SYN3: variants seen among roughly 807,000 people sequenced by gnomAD.
SYN3 encodes the protein synapsin III, also known as synapsin-3.
In SYN3, 35 loss-of-function variants were observed where a neutral mutation model predicts 65.8. That is an observed-to-expected ratio of 0.53 (90% CI 0.41 to 0.70). The LOEUF is 0.70. Ranked by LOEUF, SYN3 falls within the 30% of genes least tolerant of loss-of-function variation. The pLI is 0.00. For missense variants in SYN3, 680 were observed against 749.0 expected, an observed-to-expected ratio of 0.91 and a Z score of 1.08; for synonymous variants, 270 against 292.9, an observed-to-expected ratio of 0.92 and a Z score of 0.80.
At chr22:33,042,439 T>C (rs2145939354) in intron 1 of SYN3, among the ~76,000 whole-genome samples, 1 of 152,336 alleles carries the variant, frequency 6.6e-6, no homozygotes, top group South Asian at 2.1e-4. Flanking sequence ...TCATCATTTG[T>C]TTTCCCAGAC....
intron 12 of SYN3, chr22:32,527,667 A>C (rs1171164713): frequency 2.5e-6 from 1 of 403,670 alleles, no homozygotes; most frequent in Non-Finnish European, 4.4e-6. Context: ...TAAAAGTGAG[A>C]AAATAGGTGG....
chr22:32,966,769 A>G (rs923733295), intron 3 of SYN3, among the ~76,000 whole-genome samples: 12 of 152,140 alleles, frequency 7.9e-5, no homozygotes, highest in African/African-American at 2.7e-4. Context: ...TTTAAAAATT[A>G]GCCAGGTGTT....
chr22:32,766,715 T>C (rs531073193), intron 6 of SYN3, among the ~76,000 whole-genome samples: 1 of 152,156 alleles, frequency 6.6e-6, no homozygotes, highest in Non-Finnish European at 1.5e-5. Flanking sequence ...AGGTACCCAG[T>C]CTAGGATTCC....
chr22:32,810,107 A>T (rs1264587200), intron 6 of SYN3, among the ~76,000 whole-genome samples: 1 of 152,212 alleles, frequency 6.6e-6, no homozygotes, highest in Non-Finnish European at 1.5e-5. Context: ...GATTCTAGCT[A>T]AAGGGACTTA....
chr22:32,749,173 G>A (rs772828527), intron 6 of SYN3, among the ~76,000 whole-genome samples: 2 of 152,042 alleles, frequency 1.3e-5, no homozygotes, highest in Non-Finnish European at 2.9e-5. Flanking sequence ...GTTCATAGAC[G>A]ACTGTCTGCT....
intron 2 of SYN3, among the ~76,000 whole-genome samples, chr22:32,998,793 A>AAAC (rs1556121666): frequency 6.7e-6 from 1 of 150,292 alleles, no homozygotes; most frequent in African/African-American, 2.4e-5. Flanking sequence ...AAAAAAAAAA[A>AAAC]AAAAAACAAA....
intron 6 of SYN3, among the ~76,000 whole-genome samples, chr22:32,831,225 T>C (rs915261389): frequency 1.3e-5 from 2 of 152,132 alleles, no homozygotes; most frequent in African/African-American, 4.8e-5. Context: ...AAACACCTTT[T>C]TCTGAGACTC....
At chr22:32,870,320 C>T (rs533347188) in intron 4 of SYN3, among the ~76,000 whole-genome samples, 1 of 130,106 alleles carries the variant, frequency 7.7e-6, no homozygotes, top group South Asian at 2.2e-4. Context: ...TTGCTCCATA[C>T]TTTCTTTTGA....
chr22:32,780,062 C>G (rs1174485125), intron 6 of SYN3, among the ~76,000 whole-genome samples: 4 of 3,868 alleles, frequency 1.0e-3, no homozygotes, highest in African/African-American at 3.4e-3. Context: ...GAGTGAGATT[C>G]TGTCTCAAAA....
intron 1 of SYN3, among the ~76,000 whole-genome samples, chr22:33,035,686 C>T (rs1307110007): frequency 3.9e-5 from 6 of 152,162 alleles, no homozygotes; most frequent in Non-Finnish European, 8.8e-5. Context: ...TCAAGTGATC[C>T]TCCCACATCA....
chr22:32,684,803 C>T (rs1293543488), intron 6 of SYN3, among the ~76,000 whole-genome samples: 6 of 152,260 alleles, frequency 3.9e-5, no homozygotes, highest in South Asian at 2.1e-4. Flanking sequence ...GTTCAAGTTC[C>T]GGCTCTTCCA....
chr22:32,527,282 A>AT (rs1189532966), intron 12 of SYN3, among the ~76,000 whole-genome samples: 1 of 152,130 alleles, frequency 6.6e-6, no homozygotes, highest in African/African-American at 2.4e-5. Flanking sequence ...TAAATCTACC[A>AT]TTTTCTGCCT....
At chr22:32,825,606 C>T (rs1006834781) in intron 6 of SYN3, among the ~76,000 whole-genome samples, 5 of 120,714 alleles carry the variant, frequency 4.1e-5, no homozygotes, top group African/African-American at 6.4e-5. Flanking sequence ...TGCAGTGAGC[C>T]GAGATCATGC....
At chr22:32,896,420 C>G (rs2049595307) in intron 4 of SYN3, among the ~76,000 whole-genome samples, 1 of 152,186 alleles carries the variant, frequency 6.6e-6, no homozygotes, top group African/African-American at 2.4e-5. Flanking sequence ...TGCGCCACTG[C>G]ACTCCAGCCT....
intron 7 of SYN3, among the ~76,000 whole-genome samples, chr22:32,587,936 CT>C (rs1199803025): frequency 1.3e-5 from 2 of 152,108 alleles, no homozygotes; most frequent in Non-Finnish European, 1.5e-5. Flanking sequence ...GCCAGACTGC[CT>C]GAGGGTTGTG....
At chr22:32,938,066 A>AT (rs2050824423) in intron 3 of SYN3, among the ~76,000 whole-genome samples, 1 of 152,228 alleles carries the variant, frequency 6.6e-6, no homozygotes, top group Non-Finnish European at 1.5e-5. Flanking sequence ...AGGACATAGA[A>AT]TAACCAACTT....
chr22:33,053,424 CA>C (rs960194741), intron 1 of SYN3, among the ~76,000 whole-genome samples: 4 of 151,706 alleles, frequency 2.6e-5, no homozygotes, highest in South Asian at 2.1e-4. Context: ...GACTCCGTTT[CA>C]AAAAAAAGGA....
At chr22:32,564,152 G>C (rs949524744) in intron 7 of SYN3, among the ~76,000 whole-genome samples, 1 of 152,168 alleles carries the variant, frequency 6.6e-6, no homozygotes, top group Non-Finnish European at 1.5e-5. Context: ...AAAATGCAAC[G>C]CATGCCTGAG....
intron 6 of SYN3, among the ~76,000 whole-genome samples, chr22:32,759,633 ACCACCCCCAGCACTCAC>A (rs2145707488): frequency 7.5e-6 from 1 of 133,528 alleles, no homozygotes; most frequent in Non-Finnish European, 1.7e-5. Flanking sequence ...CTACATTCCT[ACCACCCCCAGCACTCAC>A]CCACCCCCAG....
Sources: allele counts gnomAD v4.1 joint callset (sites outside exome capture counted in the v4.1 genomes callset), GRCh38; gene constraint gnomAD v4.1.1; transcripts MANE v1.5; gene names NCBI Gene and HGNC (gene_info 2026-07-23, HGNC 2026-07-21).